Variants in MAMDC2 observed in about 807,000 individuals in gnomAD.
MAMDC2 encodes the protein MAM domain-containing protein 2.
A neutral mutation model predicts 89.8 loss-of-function variants in MAMDC2; 57 were observed. The ratio of observed to expected loss-of-function variants is 0.63; its 90% CI spans 0.51 to 0.79. The LOEUF (loss-of-function observed/expected upper bound fraction) is 0.79. MAMDC2 is among the 30% of genes least tolerant of loss of function. The pLI is 0.00. For synonymous variants in MAMDC2, 313 were observed against 293.4 expected (o/e 1.07, Z -0.68); for missense variants, 800 against 820.6 (o/e 0.97, Z 0.31).
chr9:70,213,986 G>GA (rs1192894202), intron 11 of MAMDC2, among the ~76,000 whole-genome samples: 1 of 151,980 alleles, frequency 6.6e-6, no homozygotes, highest in Middle Eastern at 3.2e-3. Flanking sequence ...AGAGCTGTGG[G>GA]AAAAAATGCA....
At chr9:70,218,735 A>G in intron 12 of MAMDC2, 139 bp downstream of exon 12, 1 of 932,580 alleles carries the variant, frequency 1.1e-6, no homozygotes, top group South Asian at 2.2e-5. Context: ...GGGAGTAAAC[A>G]TAATTAGTCT....
chr9:70,137,655 T>A (rs990986784), intron 7 of MAMDC2, among the ~76,000 whole-genome samples: 4 of 152,200 alleles, frequency 2.6e-5, no homozygotes, highest in African/African-American at 9.7e-5. Flanking sequence ...TATAGTGAGC[T>A]GTTTCATCGG....
intron 5 of MAMDC2, among the ~76,000 whole-genome samples, chr9:70,115,848 T>C (rs993171029): frequency 1.3e-5 from 2 of 152,192 alleles, no homozygotes; most frequent in African/African-American, 2.4e-5. Context: ...TAATAAAATG[T>C]CACTAACTCT....
intron 4 of MAMDC2, among the ~76,000 whole-genome samples, chr9:70,112,406 T>C (rs1469277166): frequency 2.0e-5 from 3 of 152,166 alleles, no homozygotes; most frequent in Non-Finnish European, 2.9e-5. Context: ...CTATTTTACC[T>C]GGGTTCTGAT....
intron 2 of MAMDC2, among the ~76,000 whole-genome samples, chr9:70,098,409 A>T (rs1240840199): frequency 6.6e-6 from 1 of 152,252 alleles, no homozygotes; most frequent in Non-Finnish European, 1.5e-5. Context: ...AAGTTGCACC[A>T]TAGATTTGCT....
At chr9:70,162,678 G>A (rs931761337) in intron 9 of MAMDC2, among the ~76,000 whole-genome samples, 1 of 151,916 alleles carries the variant, frequency 6.6e-6, no homozygotes, top group Non-Finnish European at 1.5e-5. Flanking sequence ...TTTTAGTAGA[G>A]AGGGGGTTTT....
intron 2 of MAMDC2, among the ~76,000 whole-genome samples, chr9:70,053,887 A>G (rs1051996372): frequency 3.3e-5 from 5 of 152,140 alleles, no homozygotes; most frequent in Non-Finnish European, 5.9e-5. Context: ...GGCCTGAATT[A>G]GGGCAGGGGT....
chr9:70,102,812 T>G (rs893698969), intron 2 of MAMDC2, among the ~76,000 whole-genome samples: 2 of 152,242 alleles, frequency 1.3e-5, no homozygotes, highest in Non-Finnish European at 1.5e-5. Flanking sequence ...GCAGCCATAT[T>G]TGAAGTGGAT....
At chr9:70,184,292 T>C (rs1488233964) in intron 11 of MAMDC2, among the ~76,000 whole-genome samples, 1 of 152,192 alleles carries the variant, frequency 6.6e-6, no homozygotes, top group Non-Finnish European at 1.5e-5. Flanking sequence ...AACCTGACCT[T>C]TCTCTGTGGC....
In MAMDC2 at chr9:70,140,230, G is replaced by T; in HGVS notation, c.1080G>T (p.Trp360Cys). The T allele has an allele frequency of 6.2e-7, 1 of 1,600,100 alleles. No homozygotes were observed. The highest frequency in any genetic ancestry group is 2.3e-5 in the East Asian group (1 of 44,172). ...ACCAAGATAAAGAAGGTCCAGGTTG[G>T]ACCCGAGTGAAAGTAAAACCAAACA... ...NFYQDKEGPGWTRVKVKPNMY... is the reference protein window; with the variant it reads ...NFYQDKEGPGCTRVKVKPNMY... Residue 360 changes from tryptophan to cysteine, a missense_variant, in exon 8 of 14, where the codon TGG becomes TGT. Transcript: ENST00000377182.
intron 11 of MAMDC2, among the ~76,000 whole-genome samples, chr9:70,180,754 A>G (rs1587549113): frequency 2.6e-5 from 4 of 152,236 alleles, no homozygotes; most frequent in Non-Finnish European, 1.5e-5. Flanking sequence ...TACATTCCAG[A>G]TATTAGACCT....
intron 2 of MAMDC2, among the ~76,000 whole-genome samples, chr9:70,101,608 A>G (rs997263018): frequency 6.6e-6 from 1 of 152,198 alleles, no homozygotes; most frequent in Non-Finnish European, 1.5e-5. Context: ...TCAATTGCCT[A>G]CAGTATTCAG....
chr9:70,122,652 T>A (rs2030337062), intron 5 of MAMDC2, among the ~76,000 whole-genome samples: 1 of 152,218 alleles, frequency 6.6e-6, no homozygotes, highest in African/African-American at 2.4e-5. Flanking sequence ...TATTTTAATT[T>A]TATTTATTTG....
At chr9:70,156,040 T>A (rs1336769674) in intron 9 of MAMDC2, among the ~76,000 whole-genome samples, 2 of 152,188 alleles carry the variant, frequency 1.3e-5, no homozygotes, top group African/African-American at 4.8e-5. Context: ...AACAAGGACA[T>A]GTTTTAAAAT....
chr9:70,093,992 C>T (rs1257756710), intron 2 of MAMDC2: 2 of 152,204 alleles, frequency 1.3e-5, no homozygotes, highest in African/African-American at 4.8e-5. Flanking sequence ...TCTTCTAAAA[C>T]TGCCACTTGG....
intron 2 of MAMDC2, among the ~76,000 whole-genome samples, chr9:70,045,166 C>T (rs1437226900): frequency 1.3e-5 from 2 of 152,224 alleles, no homozygotes; most frequent in African/African-American, 4.8e-5. Context: ...TAAGACATCA[C>T]GTCTGCCTTG....
intron 5 of MAMDC2, among the ~76,000 whole-genome samples, chr9:70,115,130 G>A (rs2029910507): frequency 6.6e-6 from 1 of 152,082 alleles, no homozygotes; most frequent in African/African-American, 2.4e-5. Flanking sequence ...CAGGTGTTTG[G>A]GCAGGGGAGA....
intron 2 of MAMDC2, among the ~76,000 whole-genome samples, chr9:70,073,699 G>A (rs1376791474): frequency 6.6e-6 from 1 of 152,186 alleles, no homozygotes; most frequent in Admixed American, 6.5e-5. Context: ...GTTGTTGATG[G>A]TTCTGGTATA....
intron 7 of MAMDC2, among the ~76,000 whole-genome samples, chr9:70,137,329 A>G (rs1467508880): frequency 6.6e-6 from 1 of 152,160 alleles, no homozygotes; most frequent in Non-Finnish European, 1.5e-5. Context: ...ATGCCCCTTT[A>G]CCATTAAATA....
Sources: gnomAD v4.1 joint callset for allele counts (sites outside exome capture counted in the v4.1 genomes callset) on GRCh38, gnomAD v4.1.1 for gene constraint, MANE v1.5 for transcripts, NCBI Gene and HGNC (gene_info 2026-07-23, HGNC 2026-07-21) for gene names.